Variants in SRGAP2 observed in about 807,000 individuals in gnomAD.
The protein encoded by SRGAP2 is SLIT-ROBO Rho GTPase activating protein 2, also known as SLIT-ROBO Rho GTPase-activating protein 2.
Under a neutral mutation model 57.2 loss-of-function variants are expected in SRGAP2, and 15 were observed. That is an observed-to-expected ratio of 0.26 (90% CI 0.18 to 0.40). The LOEUF is 0.40. Among genes scored for constraint, SRGAP2 ranks in the 10% least tolerant of loss-of-function variants. SRGAP2 has a pLI of 1.00. For synonymous variants in SRGAP2, 249 were observed against 248.0 expected (o/e 1.00, Z -0.04); for missense variants, 520 against 669.6 (o/e 0.78, Z 2.47).
At chr1:206,361,462 C>G (rs1246208767) in intron 4 of SRGAP2, among the ~76,000 whole-genome samples, 1 of 152,172 alleles carries the variant, frequency 6.6e-6, no homozygotes, top group Admixed American at 6.5e-5. Flanking sequence ...CACTTTGCCT[C>G]CTGGAGATCC....
intron 4 of SRGAP2, among the ~76,000 whole-genome samples, chr1:206,375,711 C>T (rs1268740862): frequency 1.3e-5 from 2 of 152,074 alleles, no homozygotes; most frequent in Non-Finnish European, 2.9e-5. Flanking sequence ...CCCCTGAACT[C>T]CCACCCTTGT....
rs558793107 is a variant in SRGAP2, at chr1:206,366,128, G to A, written c.424-17886G>A. On this transcript the variant is annotated intron_variant, in intron 4 of 22. Coordinates refer to ENST00000573034, the MANE Select transcript of SRGAP2 (RefSeq NM_015326.5). ...TTCTCAACTCCTCCAGAATATTTAG[G>A]GTTAACTAAAAATTATAAAAACATA... 5.3e-5 allele frequency among the ~76,000 whole-genome samples: 8 copies of A among 152,264 alleles called. No homozygotes were observed. The South Asian group carries it at 1.7e-3, about 32-fold the overall frequency.
At chr1:206,401,300 C>T in intron 7 of SRGAP2, 121 bp from the exon 8 acceptor site, 1 of 716,336 alleles carries the variant, frequency 1.4e-6, no homozygotes, top group East Asian at 2.7e-5. Flanking sequence ...AATGTCAGCC[C>T]TCTTTCTACT....
At chr1:206,237,054 G>T in intron 2 of SRGAP2, among the ~76,000 whole-genome samples, 1 of 147,164 alleles carries the variant, frequency 6.8e-6, no homozygotes, top group African/African-American at 2.6e-5. Context: ...ATATGTAAAT[G>T]CCAGCCTGGC....
intron 3 of SRGAP2, among the ~76,000 whole-genome samples, chr1:206,333,820 C>T (rs1222122514): frequency 1.1e-4 from 17 of 152,186 alleles, no homozygotes; most frequent in South Asian, 2.1e-4. Flanking sequence ...TAGTTCAAGG[C>T]GCTTTCCACA....
At chr1:206,261,742 G>A (rs1410929826) in intron 2 of SRGAP2, among the ~76,000 whole-genome samples, 1 of 151,506 alleles carries the variant, frequency 6.6e-6, no homozygotes, top group South Asian at 2.1e-4. Context: ...GGTCATACGG[G>A]TAGGCGTGGG....
chr1:206,215,376 AC>A (rs1666584487), intron 2 of SRGAP2, among the ~76,000 whole-genome samples: 1 of 151,580 alleles, frequency 6.6e-6, no homozygotes, highest in Non-Finnish European at 1.5e-5. Context: ...CCTAACTACT[AC>A]AAATAATCTT....
rs993286584 is a variant in SRGAP2 at position 206,438,148 on chromosome 1, G to T, written c.1768+50G>T. On this transcript the variant is annotated intron_variant, in intron 16 of 22. Transcript: ENST00000573034. ...TGGCTTCTGGGCTACAGCACCGGTA[G>T]CAAGAGAGAAAAAGTTTCCACAGGG... The T allele has an allele frequency of 5.2e-6, 4 of 770,184 alleles. No individual in the cohort carries two copies. In the East Asian group the frequency reaches 9.8e-5, roughly 19 times the overall value. The allele number at this position is 770,184 out of a possible 1,614,324, so 47.7% of individuals were successfully genotyped here.
intron 10 of SRGAP2, among the ~76,000 whole-genome samples, chr1:206,412,082 G>C (rs1191381603): frequency 6.6e-6 from 1 of 152,216 alleles, no homozygotes; most frequent in South Asian, 2.1e-4. Flanking sequence ...GGTTAGGAGA[G>C]TTAGTAAGTG....
At chr1:206,424,668 GATAAA>G in intron 13 of SRGAP2, among the ~76,000 whole-genome samples, 2 of 152,236 alleles carry the variant, frequency 1.3e-5, no homozygotes, top group Middle Eastern at 3.4e-3. Flanking sequence ...AATAAATTAA[GATAAA>G]ATAAAATAAA....
chr1:206,259,338 CT>C (rs1311492288), intron 2 of SRGAP2, among the ~76,000 whole-genome samples: 2,611 of 133,844 alleles, frequency 0.02, 74 homozygotes, highest in African/African-American at 0.069. Flanking sequence ...TTGCATTTAT[CT>C]TTTTTTTTTT....
chr1:206,431,556 C>G (rs1423255102), intron 14 of SRGAP2, among the ~76,000 whole-genome samples: 2 of 152,208 alleles, frequency 1.3e-5, no homozygotes, highest in Non-Finnish European at 2.9e-5. Flanking sequence ...AGAAGAAAGT[C>G]TGAGCCACTG....
At chr1:206,461,014 T>C in intron 22 of SRGAP2, 23 bp from the exon 23 acceptor site, 1 of 673,774 alleles carries the variant, frequency 1.5e-6, no homozygotes, top group Non-Finnish European at 2.7e-6. Context: ...TTGCCTCACC[T>C]CCTCCTTTTT....
intron 2 of SRGAP2, among the ~76,000 whole-genome samples, chr1:206,292,805 A>G (rs1360100856): frequency 1.3e-5 from 2 of 150,688 alleles, no homozygotes; most frequent in African/African-American, 2.5e-5. Context: ...CCAAGTGTCT[A>G]TTTCTAGACT....
chr1:206,421,233 G>A lies in SRGAP2; in HGVS notation c.1470-17G>A, dbSNP rs782635826. On this transcript the variant is annotated splice_polypyrimidine_tract_variant and intron_variant, in intron 12 of 22. Transcript: ENST00000573034. ...TTGCTGGATTGGTCCAATCTGATTC[G>A]GCGGGATTGGTCACAGGCGCAGCTC... 1.7e-5 allele frequency: 13 copies of A among 777,426 alleles called. No homozygotes were observed. The highest frequency in any genetic ancestry group is 9.7e-5 in the East Asian group (4 of 41,080). The allele number at this position is 777,426 out of a possible 1,614,324, so 48.2% of individuals were successfully genotyped here.
intron 2 of SRGAP2, among the ~76,000 whole-genome samples, chr1:206,259,655 G>A (rs1669424909): frequency 6.6e-6 from 1 of 151,080 alleles, no homozygotes; most frequent in Non-Finnish European, 1.5e-5. Context: ...TTGAGGCTAT[G>A]GGTAGGTAGA....
chr1:206,365,477 G>A (rs1227747659), intron 4 of SRGAP2, among the ~76,000 whole-genome samples: 2 of 151,894 alleles, frequency 1.3e-5, no homozygotes. Context: ...ATGACAGTTG[G>A]ATCTGTGGTT....
chr1:206,437,927 A>T (rs1321795254), intron 15 of SRGAP2, 37 bp from the exon 16 acceptor site: 1 of 778,674 alleles, frequency 1.3e-6, no homozygotes, highest in African/African-American at 1.7e-5. Flanking sequence ...TGCCTCTCTC[A>T]CTCTCTTTCC....
intron 18 of SRGAP2, among the ~76,000 whole-genome samples, chr1:206,447,002 A>G (rs899602177): frequency 2.6e-5 from 4 of 152,216 alleles, no homozygotes; most frequent in Admixed American, 1.3e-4. Context: ...CAGAAAGGCC[A>G]GTGACAGTAT....
Sources: gnomAD v4.1 joint callset for allele counts (sites outside exome capture counted in the v4.1 genomes callset) on GRCh38, gnomAD v4.1.1 for gene constraint, MANE v1.5 for transcripts, NCBI Gene and HGNC (gene_info 2026-07-23, HGNC 2026-07-21) for gene names.